MBNL2: variants seen among roughly 807,000 people sequenced by gnomAD.
The protein encoded by MBNL2 is muscleblind like splicing regulator 2, also known as muscleblind-like protein 2.
MBNL2 carries 17 observed loss-of-function variants against 41.9 expected under a neutral mutation model. That is an observed-to-expected ratio of 0.41 (90% confidence interval 0.28 to 0.61). The LOEUF (loss-of-function observed/expected upper bound fraction) is 0.61. Ranked by LOEUF, MBNL2 falls within the 20% of genes least tolerant of loss-of-function variation. The probability of loss-of-function intolerance (pLI) is 0.35; values close to 1 mark genes in which losing one functional copy is unlikely to be tolerated. For synonymous variants in MBNL2, 195 were observed against 182.9 expected (o/e 1.07, Z -0.53); for missense variants, 336 against 505.6 (o/e 0.66, Z 3.22).
At chr13:97,180,403 G>A in the MBNL2 span, among the ~76,000 whole-genome samples, 1 of 152,044 alleles carries the variant, frequency 6.6e-6, no homozygotes, top group African/African-American at 2.4e-5. Flanking sequence ...AGAAGAATGG[G>A]CTGAGTTGAT....
chr13:97,322,450 A>T (rs1300553161), intron 2 of MBNL2, among the ~76,000 whole-genome samples: 1 of 152,210 alleles, frequency 6.6e-6, no homozygotes. Context: ...TCCTGGACTC[A>T]TGATGGGGTT....
intron 7 of MBNL2, among the ~76,000 whole-genome samples, chr13:97,361,203 T>C (rs965473919): frequency 2.0e-5 from 3 of 152,224 alleles, no homozygotes; most frequent in Non-Finnish European, 4.4e-5. Context: ...GCCTTCAGCA[T>C]GTGCACCAGG....
chr13:97,389,127 C>T (rs1251640600), intron 8 of MBNL2, among the ~76,000 whole-genome samples: 1 of 152,186 alleles, frequency 6.6e-6, no homozygotes, highest in African/African-American at 2.4e-5. Flanking sequence ...AGGGGAAGTG[C>T]AGTCTGGGTG....
At chr13:97,153,881 C>T in the MBNL2 span, among the ~76,000 whole-genome samples, 1 of 152,146 alleles carries the variant, frequency 6.6e-6, no homozygotes, top group Admixed American at 6.5e-5. Flanking sequence ...CTATAAATTT[C>T]TCCTATATAT....
At chr13:97,344,561 T>G (rs2061684617) in intron 4 of MBNL2, among the ~76,000 whole-genome samples, 1 of 152,234 alleles carries the variant, frequency 6.6e-6, no homozygotes, top group Admixed American at 6.5e-5. Context: ...AATTTCAAAC[T>G]GCAAATATTT....
chr13:97,312,860 T>A (rs1321525630), intron 2 of MBNL2, among the ~76,000 whole-genome samples: 1 of 152,232 alleles, frequency 6.6e-6, no homozygotes, highest in African/African-American at 2.4e-5. Flanking sequence ...AATTAAAAAT[T>A]ATATGTCTGA....
chr13:97,290,306 T>C (rs2055570204), intron 2 of MBNL2, among the ~76,000 whole-genome samples: 1 of 150,150 alleles, frequency 6.7e-6, no homozygotes, highest in Non-Finnish European at 1.5e-5. Flanking sequence ...AAATACAGCA[T>C]GTTAGAAAGG....
intron 2 of MBNL2, among the ~76,000 whole-genome samples, chr13:97,282,977 C>T (rs2053721096): frequency 6.6e-6 from 1 of 152,224 alleles, no homozygotes; most frequent in African/African-American, 2.4e-5. Context: ...TAGTGCTGCT[C>T]CATCAGTGAT....
intron 2 of MBNL2, among the ~76,000 whole-genome samples, chr13:97,294,725 AT>A (rs2056757466): frequency 6.6e-6 from 1 of 152,230 alleles, no homozygotes; most frequent in Admixed American, 6.5e-5. Flanking sequence ...ATTACACTGT[AT>A]AAATCTAGTA....
chr13:97,330,323 C>A (rs755644977), intron 2 of MBNL2, among the ~76,000 whole-genome samples: 30 of 152,166 alleles, frequency 2.0e-4, no homozygotes, highest in Non-Finnish European at 3.7e-4. Flanking sequence ...AGGCTCCTAG[C>A]TCCCAGTTCC....
At chr13:97,260,587 G>A (rs143214730) in intron 1 of MBNL2, among the ~76,000 whole-genome samples, 12 of 152,328 alleles carry the variant, frequency 7.9e-5, no homozygotes, top group Admixed American at 2.0e-4. Flanking sequence ...CTCTGGCGCC[G>A]TTAGGAATGT....
At chr13:97,270,087 G>A (rs1307896746) in intron 1 of MBNL2, among the ~76,000 whole-genome samples, 1 of 152,154 alleles carries the variant, frequency 6.6e-6, no homozygotes, top group Non-Finnish European at 1.5e-5. Flanking sequence ...GTTATGTGAC[G>A]AGATACCTTG....
chr13:97,203,978 A>T, the MBNL2 span, among the ~76,000 whole-genome samples: 1 of 152,176 alleles, frequency 6.6e-6, no homozygotes, highest in African/African-American at 2.4e-5. Context: ...GGATGGATGG[A>T]TGAATGGACA....
At chr13:97,214,873 T>G in the MBNL2 span, among the ~76,000 whole-genome samples, 1 of 152,202 alleles carries the variant, frequency 6.6e-6, no homozygotes, top group East Asian at 1.9e-4. Context: ...GTCTGTAATT[T>G]TATTGAAGAC....
chr13:97,218,418 A>AC (rs2040557293), upstream of MBNL2, among the ~76,000 whole-genome samples: 2 of 110,370 alleles, frequency 1.8e-5, no homozygotes, highest in Non-Finnish European at 3.6e-5. Flanking sequence ...TCAAAAAAAA[A>AC]CAAAAACAAA....
intron 1 of MBNL2, among the ~76,000 whole-genome samples, chr13:97,234,673 T>C (rs1361343508): frequency 6.6e-6 from 1 of 152,140 alleles, no homozygotes; most frequent in Non-Finnish European, 1.5e-5. Flanking sequence ...ACAAGGACAA[T>C]AGACTGATGG....
the MBNL2 span, among the ~76,000 whole-genome samples, chr13:97,166,614 C>A: frequency 6.6e-6 from 1 of 152,054 alleles, no homozygotes; most frequent in Non-Finnish European, 1.5e-5. Flanking sequence ...ACTGGCCTAG[C>A]CTCTCAGCCT....
At position 97,240,235 on chromosome 13, in the gene MBNL2, G is replaced by A. The variant is rs542725236; in HGVS notation, c.-605+17704G>A. Among the ~76,000 whole-genome samples, 23 of 152,340 alleles carry A rather than the reference G, an allele frequency of 1.5e-4. 2 individuals carry two copies. Among genetic ancestry groups the A allele is most frequent in the African/African-American group, 5.5e-4 (23 of 41,596 alleles). ...AATTATTCACAGACCTCCTGGCACA[G>A]GGGTTAGGAGAACATTCAAATCCTG... On this transcript the variant is annotated intron_variant, in intron 1 of 8. Transcript: ENST00000679496.
intron 2 of MBNL2, among the ~76,000 whole-genome samples, chr13:97,317,189 T>C (rs1250579514): frequency 6.6e-6 from 1 of 152,138 alleles, no homozygotes; most frequent in African/African-American, 2.4e-5. Flanking sequence ...TCAATTGGGC[T>C]TCAGTCCCGT....
Sources: gnomAD v4.1 joint callset for allele counts (sites outside exome capture counted in the v4.1 genomes callset) on GRCh38, gnomAD v4.1.1 for gene constraint, MANE v1.5 for transcripts, NCBI Gene and HGNC (gene_info 2026-07-23, HGNC 2026-07-21) for gene names.